ZNF626: variants seen among roughly 807,000 people sequenced by gnomAD.
ZNF626 encodes CTC-513N18.7.
A neutral mutation model predicts 11.7 loss-of-function variants in ZNF626; 4 were observed. That is an observed-to-expected ratio of 0.34 (90% CI 0.17 to 0.78). ZNF626 has a LOEUF of 0.78. Among genes scored for constraint, ZNF626 ranks in the 30% least tolerant of loss-of-function variants. ZNF626 has a pLI of 0.57. For missense variants in ZNF626, 588 were observed against 587.1 expected (o/e 1.00, Z -0.01); for synonymous variants, 179 against 198.6 (o/e 0.90, Z 0.83).
chr19:20,657,421 T>C (rs1477455553), intron 1 of ZNF626, among the ~76,000 whole-genome samples: 1 of 151,438 alleles, frequency 6.6e-6, no homozygotes, highest in African/African-American at 2.4e-5. Context: ...ATATGGTACA[T>C]AAACATCATG....
rs1160988555 is a variant in ZNF626, at chr19:20,623,678, A to G, written c.*612T>C. On this transcript the variant is annotated 3_prime_UTR_variant, in exon 4 of 4. Coordinates refer to ENST00000601440, the MANE Select transcript of ZNF626 (RefSeq NM_001076675.3). ...GCTGGGCATGGGGGTGGGCACCTGTAATCCCCCTTACTTGGGAGGTTGAGG... is the reference window on the plus strand; with the variant it reads ...GCTGGGCATGGGGGTGGGCACCTGTGATCCCCCTTACTTGGGAGGTTGAGG... 4 of 192,294 alleles carry G rather than the reference A, an allele frequency of 2.1e-5. No individual in the cohort carries two copies. The highest frequency in any genetic ancestry group is 9.6e-5 in the African/African-American group (4 of 41,716). 11.9% of individuals were successfully genotyped at this position (192,294 alleles called of 1,614,324 possible). A position where few individuals can be genotyped will look rare whatever the true frequency, so the allele number is the denominator to read the frequency against.
In ZNF626 at chr19:20,622,872, T is replaced by C. The variant is rs1016522535; in HGVS notation, c.*1418A>G. On this transcript the variant is annotated 3_prime_UTR_variant, in exon 4 of 4. Coordinates refer to ENST00000601440, the MANE Select transcript of ZNF626 (RefSeq NM_001076675.3). ...CTGCATCTGCAAAAATATATTTTAG[T>C]ATAAACTCTGCTGTTTTCTAAGCTG... 7.9e-5 allele frequency: 12 copies of C among 151,978 alleles called. No homozygotes were observed. The highest frequency in any genetic ancestry group is 2.1e-4 in the South Asian group (1 of 4,820). The allele number at this position is 151,978 out of a possible 1,614,324, so 9.4% of individuals were successfully genotyped here.
intron 1 of ZNF626, among the ~76,000 whole-genome samples, chr19:20,646,995 G>C (rs937269402): frequency 3.3e-5 from 5 of 151,504 alleles, no homozygotes; most frequent in African/African-American, 1.2e-4. Flanking sequence ...TTACAGACAT[G>C]CATCACCGCA....
intron 3 of ZNF626, among the ~76,000 whole-genome samples, chr19:20,643,501 A>G (rs1970044945): frequency 6.6e-6 from 1 of 152,210 alleles, no homozygotes; most frequent in Non-Finnish European, 1.5e-5. Flanking sequence ...TATCTAATTT[A>G]CTTTCAGCAT....
At chr19:20,636,723 A>C (rs1321970853) in intron 3 of ZNF626, among the ~76,000 whole-genome samples, 1 of 152,204 alleles carries the variant, frequency 6.6e-6, no homozygotes, top group Non-Finnish European at 1.5e-5. Flanking sequence ...ACAGTCCTAC[A>C]AGATATAATA....
chr19:20,636,159 C>T (rs1051160542), intron 3 of ZNF626, among the ~76,000 whole-genome samples: 1 of 151,934 alleles, frequency 6.6e-6, no homozygotes, highest in Non-Finnish European at 1.5e-5. Context: ...AAACCAAAAC[C>T]AAAAACCTGT....
In ZNF626 at chr19:20,620,633, A is replaced by G. The variant is rs1555768575; in HGVS notation, c.*3657T>C. 6.6e-6 allele frequency: 1 copy of G among 152,022 alleles called. No individual in the cohort carries two copies. The highest frequency in any genetic ancestry group is 1.5e-5 in the Non-Finnish European group (1 of 68,008). The allele number at this position is 152,022 out of a possible 1,614,324, so 9.4% of individuals were successfully genotyped here. ...CAGCAGCACAATCTTGGCTCACTGC[A>G]ATCTCCACCTCCCAAGTTCAAGTGA... On this transcript the variant is annotated 3_prime_UTR_variant, in exon 4 of 4. Coordinates refer to ENST00000601440, the MANE Select transcript of ZNF626 (RefSeq NM_001076675.3).
At chr19:20,653,002 G>C (rs1970164038) in intron 1 of ZNF626, among the ~76,000 whole-genome samples, 6 of 152,152 alleles carry the variant, frequency 3.9e-5, no homozygotes, top group Admixed American at 3.9e-4. Context: ...TTGCTGCCCT[G>C]TGAAATTTAT....
At chr19:20,640,921 G>A (rs1970017846) in intron 3 of ZNF626, among the ~76,000 whole-genome samples, 1 of 152,018 alleles carries the variant, frequency 6.6e-6, no homozygotes, top group African/African-American at 2.4e-5. Flanking sequence ...CCAAGGTAGG[G>A]GCAGATCACC....
chr19:20,632,780 C>G (rs1202944781), intron 3 of ZNF626, among the ~76,000 whole-genome samples: 1 of 152,116 alleles, frequency 6.6e-6, no homozygotes, highest in Non-Finnish European at 1.5e-5. Flanking sequence ...AGCCTTCTCT[C>G]AACTCGTCAA....
At chr19:20,626,906 T>C (rs1555769822) in intron 3 of ZNF626, among the ~76,000 whole-genome samples, 1 of 151,942 alleles carries the variant, frequency 6.6e-6, no homozygotes, top group Non-Finnish European at 1.5e-5. Flanking sequence ...CCCCAGCTAC[T>C]TGGGAGACAG....
intron 1 of ZNF626, among the ~76,000 whole-genome samples, chr19:20,660,241 TC>T (rs1482544830): frequency 3.3e-4 from 33 of 101,400 alleles, no homozygotes; most frequent in African/African-American, 1.7e-3. Flanking sequence ...CGACACTGTG[TC>T]TAAAAAAAAA....
chr19:20,630,175 G>A (rs1239195069), intron 3 of ZNF626, among the ~76,000 whole-genome samples: 1 of 152,130 alleles, frequency 6.6e-6, no homozygotes, highest in Non-Finnish European at 1.5e-5. Context: ...GCTGGATTCG[G>A]TTTGCCAGTA....
At chr19:20,649,891 C>A (rs1308368422) in intron 1 of ZNF626, among the ~76,000 whole-genome samples, 1 of 152,236 alleles carries the variant, frequency 6.6e-6, no homozygotes, top group African/African-American at 2.4e-5. Flanking sequence ...TATTACTTAG[C>A]ACTCTTGTCA....
chr19:20,640,575 C>A (rs1439176364), intron 3 of ZNF626, among the ~76,000 whole-genome samples: 3 of 146,708 alleles, frequency 2.0e-5, no homozygotes, highest in African/African-American at 7.6e-5. Flanking sequence ...TAGAAATGGA[C>A]AAATGAAATT....
intron 3 of ZNF626, among the ~76,000 whole-genome samples, chr19:20,627,653 G>A (rs1969854100): frequency 6.6e-6 from 1 of 151,678 alleles, no homozygotes; most frequent in Non-Finnish European, 1.5e-5. Context: ...TCAATAAACA[G>A]GTTTATTAAA....
intron 3 of ZNF626, among the ~76,000 whole-genome samples, chr19:20,642,788 C>T (rs994286920): frequency 6.6e-5 from 10 of 152,038 alleles, no homozygotes; most frequent in South Asian, 2.1e-4. Context: ...GAGGCTGAGG[C>T]GGGCGGATCA....
chr19:20,626,281 T>C (rs1048378317), intron 3 of ZNF626, among the ~76,000 whole-genome samples: 3 of 152,110 alleles, frequency 2.0e-5, no homozygotes, highest in Non-Finnish European at 2.9e-5. Context: ...ATTATAAAGA[T>C]TGTAACAGGT....
intron 3 of ZNF626, among the ~76,000 whole-genome samples, chr19:20,632,946 T>C (rs1258472350): frequency 6.6e-6 from 1 of 152,218 alleles, no homozygotes; most frequent in South Asian, 2.1e-4. Context: ...ATGATGGTGA[T>C]GTACAGATGG....
Sources: allele counts gnomAD v4.1 joint callset (sites outside exome capture counted in the v4.1 genomes callset), GRCh38; gene constraint gnomAD v4.1.1; transcripts MANE v1.5; gene names NCBI Gene and HGNC (gene_info 2026-07-23, HGNC 2026-07-21).